MAGI2: variants seen among roughly 807,000 people sequenced by gnomAD.
MAGI2 encodes the protein membrane associated guanylate kinase, WW and PDZ domain containing 2.
Under a neutral mutation model 133.3 loss-of-function variants are expected in MAGI2, and 35 were observed. That is an observed-to-expected ratio of 0.26 (90% CI 0.20 to 0.35). MAGI2 has a LOEUF of 0.35. Among genes scored for constraint, MAGI2 ranks in the 10% least tolerant of loss-of-function variants. The pLI is 1.00. For synonymous variants in MAGI2, 729 were observed against 710.6 expected, an observed-to-expected ratio of 1.03 and a Z score of -0.41; for missense variants, 1,636 against 1,863.4, an observed-to-expected ratio of 0.88 and a Z score of 2.25.
intron 6 of MAGI2, among the ~76,000 whole-genome samples, chr7:78,381,509 A>G (rs1318865586): frequency 2.6e-5 from 4 of 152,178 alleles, no homozygotes; most frequent in Non-Finnish European, 5.9e-5. Flanking sequence ...ACCATAACTA[A>G]TACTAAAAGA....
intron 3 of MAGI2, among the ~76,000 whole-genome samples, chr7:78,592,918 T>C (rs1220008793): frequency 7.5e-6 from 1 of 133,938 alleles, no homozygotes; most frequent in African/African-American, 2.9e-5. Context: ...TACTGCAACC[T>C]CCACCTCCCG....
At chr7:78,361,347 C>T (rs978880065) in intron 7 of MAGI2, among the ~76,000 whole-genome samples, 6 of 148,308 alleles carry the variant, frequency 4.0e-5, no homozygotes, top group African/African-American at 7.5e-5. Flanking sequence ...GAGCCAAGAT[C>T]GTGCCACTGC....
intron 2 of MAGI2, among the ~76,000 whole-genome samples, chr7:78,799,540 T>C (rs1239123186): frequency 6.6e-6 from 1 of 152,190 alleles, no homozygotes; most frequent in Non-Finnish European, 1.5e-5. Flanking sequence ...AAACCTTTAA[T>C]CCATGTGGCC....
At position 79,375,333 on chromosome 7, in the gene MAGI2, A is replaced by G. The variant is rs139312053; in HGVS notation, c.301+77687T>C. Among the ~76,000 whole-genome samples the G allele has an allele frequency of 3.6e-3, 547 of 152,132 alleles. 2 individuals carry two copies. The highest frequency in any genetic ancestry group is 1.0e-2 in the South Asian group (48 of 4,820). On this transcript the variant is annotated intron_variant, in intron 1 of 21. Coordinates refer to ENST00000354212, the MANE Select transcript of MAGI2 (RefSeq NM_012301.4). Reference sequence around the variant, plus strand: ...ACCTGGTTCTACCAATAAGGAGTTCATTGAGCAAGGCATTTCAAATGTGTT... The same window carrying G: ...ACCTGGTTCTACCAATAAGGAGTTCGTTGAGCAAGGCATTTCAAATGTGTT...
chr7:78,316,933 C>A (rs1372166179), intron 9 of MAGI2, among the ~76,000 whole-genome samples: 1 of 152,092 alleles, frequency 6.6e-6, no homozygotes, highest in African/African-American at 2.4e-5. Flanking sequence ...ATTTTCCCTA[C>A]CCTTGCTTCA....
At chr7:79,428,666 T>C (rs775099528) in intron 1 of MAGI2, among the ~76,000 whole-genome samples, 7 of 152,206 alleles carry the variant, frequency 4.6e-5, no homozygotes, top group Non-Finnish European at 1.0e-4. Flanking sequence ...TTTCTGATGA[T>C]ATAGTAACAA....
Position 78,741,037 on chromosome 7 carries a change from A to G in MAGI2, c.419-113798T>C, listed in dbSNP as rs367566712. 2.1e-4 allele frequency among the ~76,000 whole-genome samples: 32 copies of G among 152,328 alleles called. 1 individual carries two copies. The highest frequency in any genetic ancestry group is 1.2e-3 in the East Asian group (6 of 5,180). ...TGGCACACTGTGCCAGGATTTGAAG[A>G]TAGAAAAAAAGCAAAGAATGCAGCC... is the stretch of plus-strand genomic sequence containing the variant. On this transcript the variant is annotated intron_variant, in intron 2 of 21. Coordinates refer to ENST00000354212, the MANE Select transcript of MAGI2 (RefSeq NM_012301.4).
chr7:79,055,270 T>G (rs1813044805), intron 1 of MAGI2, among the ~76,000 whole-genome samples: 1 of 142,996 alleles, frequency 7.0e-6, no homozygotes, highest in Admixed American at 7.1e-5. Context: ...AAACATAAAC[T>G]TTGTAAGGGC....
intron 3 of MAGI2, among the ~76,000 whole-genome samples, chr7:78,543,920 A>G (rs1253690537): frequency 6.6e-6 from 1 of 152,230 alleles, no homozygotes; most frequent in Non-Finnish European, 1.5e-5. Context: ...TATGCTAATC[A>G]TTCTAATTAT....
chr7:79,020,710 G>A (rs144534283), intron 1 of MAGI2, among the ~76,000 whole-genome samples: 1,563 of 150,934 alleles, frequency 0.01, 27 homozygotes, highest in African/African-American at 0.035. Context: ...AGCTTGAAGT[G>A]AGCCGAGATT....
intron 2 of MAGI2, among the ~76,000 whole-genome samples, chr7:78,893,165 C>G (rs1385180400): frequency 6.6e-6 from 1 of 151,662 alleles, no homozygotes; most frequent in African/African-American, 2.4e-5. Flanking sequence ...AAATGCAAAT[C>G]AAAACCACAA....
chr7:79,136,833 CACAAGGCAG>C (rs767100870), intron 1 of MAGI2, among the ~76,000 whole-genome samples: 9 of 152,142 alleles, frequency 5.9e-5, no homozygotes, highest in Admixed American at 1.3e-4. Flanking sequence ...CATATATGTG[CACAAGGCAG>C]GAGTAATAAC....
intron 1 of MAGI2, among the ~76,000 whole-genome samples, chr7:79,073,164 A>G (rs567618013): frequency 6.6e-6 from 1 of 152,236 alleles, no homozygotes; most frequent in South Asian, 2.1e-4. Context: ...CTTGGGGCCA[A>G]GTCTATGCAG....
At chr7:78,079,475 T>G (rs767817576) in intron 20 of MAGI2, among the ~76,000 whole-genome samples, 1 of 152,244 alleles carries the variant, frequency 6.6e-6, no homozygotes, top group Non-Finnish European at 1.5e-5. Context: ...TTTCATTGAT[T>G]CTATTGCCAA....
At chr7:78,187,115 G>T (rs550722323) in intron 12 of MAGI2, among the ~76,000 whole-genome samples, 2 of 152,226 alleles carry the variant, frequency 1.3e-5, no homozygotes, top group Non-Finnish European at 2.9e-5. Flanking sequence ...TTAGAATCAT[G>T]TAAGGAATTA....
chr7:79,130,131 C>G (rs1820793891), intron 1 of MAGI2, among the ~76,000 whole-genome samples: 2 of 146,826 alleles, frequency 1.4e-5, no homozygotes, highest in Non-Finnish European at 3.0e-5. Context: ...TGAGACCCCC[C>G]TCACTTTGTT....
At chr7:78,165,147 T>G (rs892986113) in intron 15 of MAGI2, among the ~76,000 whole-genome samples, 8 of 152,226 alleles carry the variant, frequency 5.3e-5, no homozygotes, top group African/African-American at 1.9e-4. Context: ...CTTCCTTTAC[T>G]CAACAACTTC....
intron 2 of MAGI2, among the ~76,000 whole-genome samples, chr7:78,689,076 T>C (rs1235836052): frequency 1.3e-5 from 2 of 152,216 alleles, no homozygotes; most frequent in African/African-American, 2.4e-5. Context: ...ATTAAGCCAA[T>C]ATTCTTTCGC....
chr7:78,300,906 C>T (rs1198783956), intron 9 of MAGI2, among the ~76,000 whole-genome samples: 1 of 152,170 alleles, frequency 6.6e-6, no homozygotes, highest in African/African-American at 2.4e-5. Flanking sequence ...GGGAGGCGTG[C>T]TTATTACAAA....
Sources: allele counts gnomAD v4.1 joint callset (sites outside exome capture counted in the v4.1 genomes callset), GRCh38; gene constraint gnomAD v4.1.1; transcripts MANE v1.5; gene names NCBI Gene and HGNC (gene_info 2026-07-23, HGNC 2026-07-21).